GALNT17: variants seen among roughly 807,000 people sequenced by gnomAD.
The protein encoded by GALNT17 is polypeptide N-acetylgalactosaminyltransferase 17.
Under a neutral mutation model 63.7 loss-of-function variants are expected in GALNT17, and 29 were observed. The observed-to-expected ratio is 0.46, with a 90% CI of 0.34 to 0.62. GALNT17 has a LOEUF of 0.62. Among genes scored for constraint, GALNT17 ranks in the 20% least tolerant of loss-of-function variants. GALNT17 has a pLI of 0.01. For missense variants in GALNT17, 603 were observed against 799.6 expected (o/e 0.75, Z 2.97); for synonymous variants, 305 against 318.3 (o/e 0.96, Z 0.45).
intron 5 of GALNT17, among the ~76,000 whole-genome samples, chr7:71,434,631 G>A (rs1786926070): frequency 6.6e-6 from 1 of 152,068 alleles, no homozygotes; most frequent in South Asian, 2.1e-4. Flanking sequence ...TGCCACCCGT[G>A]GGTTCTGTGT....
At chr7:71,343,406 A>G (rs1792039175) in intron 2 of GALNT17, among the ~76,000 whole-genome samples, 2 of 152,254 alleles carry the variant, frequency 1.3e-5, no homozygotes, top group African/African-American at 4.8e-5. Flanking sequence ...ACACTTGAGA[A>G]AATTGTTTTT....
At chr7:71,619,588 C>T (rs1790263174) in intron 6 of GALNT17, among the ~76,000 whole-genome samples, 1 of 151,952 alleles carries the variant, frequency 6.6e-6, no homozygotes, top group Non-Finnish European at 1.5e-5. Flanking sequence ...ATTTCACCCT[C>T]AGCCTGGAGA....
chr7:71,673,635 A>T (rs959518750), intron 8 of GALNT17, among the ~76,000 whole-genome samples: 1 of 152,148 alleles, frequency 6.6e-6, no homozygotes, highest in African/African-American at 2.4e-5. Flanking sequence ...AATAATAAAC[A>T]TGATGACCAG....
chr7:71,322,426 C>T (rs892080077), intron 1 of GALNT17, among the ~76,000 whole-genome samples: 1 of 152,128 alleles, frequency 6.6e-6, no homozygotes, highest in Non-Finnish European at 1.5e-5. Context: ...GCACTTCAAG[C>T]GTCTAACAAT....
At chr7:71,686,614 T>C (rs1289104434) in intron 9 of GALNT17, among the ~76,000 whole-genome samples, 1 of 151,824 alleles carries the variant, frequency 6.6e-6, no homozygotes, top group South Asian at 2.1e-4. Flanking sequence ...GGTCCCAAAC[T>C]CCTGGGCTCA....
rs146982916 is a variant in GALNT17 at position 71,566,512 on chromosome 7, G to T, written c.963-4773G>T. 4.1e-3 allele frequency among the ~76,000 whole-genome samples: 621 copies of T among 152,214 alleles called. 7 individuals are homozygous for T. Among genetic ancestry groups the T allele is most frequent in the African/African-American group, 0.014 (589 of 41,544 alleles). ...CTCTAGAAAATGGAGCTAACGCCGAGGACATCTCCCAGTCCCCTGCTTCTG... is the reference window on the plus strand; with the variant it reads ...CTCTAGAAAATGGAGCTAACGCCGATGACATCTCCCAGTCCCCTGCTTCTG... On this transcript the variant is annotated intron_variant, in intron 5 of 10. Transcript: ENST00000333538.
chr7:71,591,420 A>G (rs1789799583), intron 6 of GALNT17, among the ~76,000 whole-genome samples: 1 of 152,114 alleles, frequency 6.6e-6, no homozygotes, highest in Non-Finnish European at 1.5e-5. Context: ...TGCTCCCTGC[A>G]GCCCTGGATC....
At chr7:71,299,101 G>C (rs1791139991) in intron 1 of GALNT17, among the ~76,000 whole-genome samples, 2 of 152,086 alleles carry the variant, frequency 1.3e-5, no homozygotes, top group Non-Finnish European at 2.9e-5. Flanking sequence ...GACCAGTAAG[G>C]CTTTTAGACC....
chr7:71,327,687 T>A (rs1263786248), intron 1 of GALNT17, among the ~76,000 whole-genome samples: 3 of 151,874 alleles, frequency 2.0e-5, no homozygotes, highest in Non-Finnish European at 1.5e-5. Flanking sequence ...TTGTGAAGGG[T>A]TAAGGGAAAC....
intron 1 of GALNT17, among the ~76,000 whole-genome samples, chr7:71,176,796 T>C (rs1488426248): frequency 1.3e-5 from 2 of 152,164 alleles, no homozygotes; most frequent in African/African-American, 2.4e-5. Context: ...CAGTATTTGC[T>C]TCCCTCCGTG....
rs117069413 is a variant in GALNT17 at position 71,427,874 on chromosome 7, G to A, written c.962+6769G>A. Among the ~76,000 whole-genome samples, 252 of 152,256 alleles carry A rather than the reference G, an allele frequency of 1.7e-3. 3 individuals carry two copies. The East Asian group carries it at 0.042, about 25-fold the overall frequency. On this transcript the variant is annotated intron_variant, in intron 5 of 10. Transcript: ENST00000333538. ...GCACAAATCCTATTGTGAATTGCGC[G>A]TGTGAAGGATGTAGGTTACGTGTTG... is the stretch of plus-strand genomic sequence containing the variant.
chr7:71,669,900 G>T, intron 7 of GALNT17, 72 bp from the exon 8 acceptor site: 6 of 1,573,112 alleles, frequency 3.8e-6, no homozygotes, highest in Non-Finnish European at 5.2e-6. Context: ...CCCTGAAAGT[G>T]ACTCCACCTG....
intron 5 of GALNT17, among the ~76,000 whole-genome samples, chr7:71,460,870 C>T (rs995507939): frequency 6.6e-6 from 1 of 152,142 alleles, no homozygotes; most frequent in East Asian, 1.9e-4. Flanking sequence ...AGGTCACTCC[C>T]GTCGCCATTT....
chr7:71,262,491 G>T (rs910329677), intron 1 of GALNT17, among the ~76,000 whole-genome samples: 2 of 152,004 alleles, frequency 1.3e-5, no homozygotes, highest in Non-Finnish European at 2.9e-5. Flanking sequence ...CAATTCTTGG[G>T]AACTATTATG....
At chr7:71,452,291 A>G (rs1787276638) in intron 5 of GALNT17, among the ~76,000 whole-genome samples, 2 of 151,628 alleles carry the variant, frequency 1.3e-5, no homozygotes, top group African/African-American at 2.4e-5. Context: ...TACGCCTGTA[A>G]TCCCAGCACT....
intron 1 of GALNT17, among the ~76,000 whole-genome samples, chr7:71,214,649 C>T (rs1789442294): frequency 6.7e-6 from 1 of 149,214 alleles, no homozygotes; most frequent in South Asian, 2.1e-4. Context: ...GTGATCTTGG[C>T]TCACTGCAAC....
intron 6 of GALNT17, among the ~76,000 whole-genome samples, chr7:71,647,623 C>T (rs527329877): frequency 3.4e-4 from 52 of 152,352 alleles, no homozygotes; most frequent in African/African-American, 1.2e-3. Flanking sequence ...CTTACCTCTA[C>T]CATTGCTTCT....
At chr7:71,157,046 T>C (rs1418466041) in intron 1 of GALNT17, among the ~76,000 whole-genome samples, 1 of 151,282 alleles carries the variant, frequency 6.6e-6, no homozygotes, top group Non-Finnish European at 1.5e-5. Flanking sequence ...AGCTTTGGAC[T>C]CTTAGGCTCA....
intron 5 of GALNT17, among the ~76,000 whole-genome samples, chr7:71,442,120 A>G (rs1387587480): frequency 6.6e-6 from 1 of 152,022 alleles, no homozygotes; most frequent in African/African-American, 2.4e-5. Context: ...AAGTGTTCCT[A>G]TTTCTCCCCA....
Sources: allele counts gnomAD v4.1 joint callset (sites outside exome capture counted in the v4.1 genomes callset), GRCh38; gene constraint gnomAD v4.1.1; transcripts MANE v1.5; gene names NCBI Gene and HGNC (gene_info 2026-07-23, HGNC 2026-07-21).